Variants in USH2A observed in about 807,000 individuals in gnomAD.
USH2A encodes usherin.
A neutral mutation model predicts 538.9 loss-of-function variants in USH2A; 443 were observed. That is an observed-to-expected ratio of 0.82 (90% CI 0.76 to 0.89). The LOEUF is 0.89. Ranked by LOEUF, USH2A falls within the 40% of genes least tolerant of loss-of-function variation. USH2A has a pLI of 0.00. For synonymous variants in USH2A, 2,413 were observed against 2,273.5 expected (o/e 1.06, Z -1.75); for missense variants, 6,633 against 6,324.8 (o/e 1.05, Z -1.65).
chr1:215,805,285 A>T (rs1444517735), intron 49 of USH2A, among the ~76,000 whole-genome samples: 2 of 35,790 alleles, frequency 5.6e-5, no homozygotes, highest in Non-Finnish European at 1.5e-4. Flanking sequence ...AAAGTATAAT[A>T]AAAAAAAAAG....
chr1:216,307,419 C>G (rs143267037), intron 9 of USH2A, among the ~76,000 whole-genome samples: 2 of 152,284 alleles, frequency 1.3e-5, no homozygotes, highest in African/African-American at 4.8e-5. Context: ...CCACAATACT[C>G]TCCACAACAG....
intron 62 of USH2A, among the ~76,000 whole-genome samples, chr1:215,679,474 T>C (rs1658152342): frequency 6.6e-6 from 1 of 152,162 alleles, no homozygotes; most frequent in Non-Finnish European, 1.5e-5. Flanking sequence ...CTAACAGGTA[T>C]GTCTGCCACC....
At chr1:215,937,622 G>C (rs1349983946) in intron 37 of USH2A, among the ~76,000 whole-genome samples, 1 of 152,110 alleles carries the variant, frequency 6.6e-6, no homozygotes, top group Non-Finnish European at 1.5e-5. Context: ...CTCCTTGGAA[G>C]TATTTCTGCT....
intron 63 of USH2A, among the ~76,000 whole-genome samples, chr1:215,671,930 C>T (rs1006647700): frequency 1.3e-5 from 2 of 152,160 alleles, no homozygotes; most frequent in Admixed American, 1.3e-4. Context: ...TGATACCTAA[C>T]AGCTTAAAAC....
intron 37 of USH2A, among the ~76,000 whole-genome samples, chr1:215,953,316 G>T (rs182066256): frequency 0.032 from 4,835 of 152,056 alleles, 117 homozygotes; most frequent in South Asian, 0.083. Flanking sequence ...CTTCAAACTA[G>T]ACTACAAGGC....
chr1:215,970,942 A>G (rs954831998), intron 35 of USH2A, among the ~76,000 whole-genome samples, 166 bp from the exon 36 acceptor site: 1 of 152,180 alleles, frequency 6.6e-6, no homozygotes, highest in Non-Finnish European at 1.5e-5. Flanking sequence ...AGGATAAAAT[A>G]GATGTTACCC....
intron 4 of USH2A, among the ~76,000 whole-genome samples, chr1:216,363,209 T>C (rs2102706357): frequency 6.6e-6 from 1 of 152,260 alleles, no homozygotes; most frequent in Admixed American, 6.5e-5. Context: ...TATACAGGCA[T>C]TGTGCTTAGC....
intron 47 of USH2A, among the ~76,000 whole-genome samples, chr1:215,833,588 T>A (rs865989771): frequency 2.6e-5 from 4 of 151,936 alleles, no homozygotes; most frequent in African/African-American, 9.7e-5. Flanking sequence ...AACATACAAA[T>A]GTTCTAGGAA....
chr1:216,256,584 G>T (rs924562133), intron 11 of USH2A, among the ~76,000 whole-genome samples: 1 of 151,896 alleles, frequency 6.6e-6, no homozygotes, highest in Non-Finnish European at 1.5e-5. Flanking sequence ...ACCTCTGCCA[G>T]CCATGAGGCC....
At chr1:216,198,169 T>A in intron 18 of USH2A, 146 bp downstream of exon 18, 1 of 1,192,998 alleles carries the variant, frequency 8.4e-7, no homozygotes, top group Non-Finnish European at 1.2e-6. Flanking sequence ...ATGTAACAAA[T>A]CCATATATAT....
intron 3 of USH2A, among the ~76,000 whole-genome samples, chr1:216,412,367 T>C (rs974579209): frequency 1.3e-4 from 20 of 152,088 alleles, no homozygotes; most frequent in Admixed American, 9.2e-4. Context: ...AGTGCTTCCT[T>C]CTTTGTATTT....
intron 40 of USH2A, among the ~76,000 whole-genome samples, chr1:215,890,209 A>C (rs1243737914): frequency 6.6e-6 from 1 of 152,218 alleles, no homozygotes; most frequent in Admixed American, 6.5e-5. Flanking sequence ...CAATTTTGAC[A>C]TTTATGAGAT....
chr1:215,698,674 GT>G (rs1558059765), intron 61 of USH2A, among the ~76,000 whole-genome samples: 2 of 152,016 alleles, frequency 1.3e-5, no homozygotes, highest in East Asian at 1.9e-4. Flanking sequence ...GAGGTTATTT[GT>G]TTTTTTCTTG....
chr1:216,266,124 T>C lies in USH2A; in HGVS notation c.1972-15026A>G, dbSNP rs1348489333. ...TTTGCTAATTACACTGATTTGATAC[T>C]CACACATTTTACATATGTATTGAAA... On this transcript the variant is annotated intron_variant, in intron 11 of 71. Coordinates refer to ENST00000307340, the MANE Select transcript of USH2A (RefSeq NM_206933.4). Among the ~76,000 whole-genome samples the C allele has an allele frequency of 2.0e-5, 3 of 152,250 alleles. No individual in the cohort carries two copies. The East Asian group carries it at 5.8e-4, about 29-fold the overall frequency.
At chr1:216,124,880 G>C (rs1411674192) in intron 21 of USH2A, among the ~76,000 whole-genome samples, 3 of 152,230 alleles carry the variant, frequency 2.0e-5, no homozygotes, top group African/African-American at 7.2e-5. Flanking sequence ...GTGAGACTGT[G>C]GACAGTAACA....
chr1:215,874,305 T>C (rs188898421), intron 43 of USH2A, among the ~76,000 whole-genome samples: 28 of 152,250 alleles, frequency 1.8e-4, no homozygotes, highest in Admixed American at 1.5e-3. Flanking sequence ...AGTATAAACC[T>C]GTAGTTATAC....
intron 21 of USH2A, among the ~76,000 whole-genome samples, chr1:216,102,948 C>A (rs1476152754): frequency 6.6e-6 from 1 of 152,202 alleles, no homozygotes; most frequent in African/African-American, 2.4e-5. Context: ...TTTCATTACA[C>A]CTTCAAACTG....
intron 61 of USH2A, among the ~76,000 whole-genome samples, chr1:215,703,987 T>C (rs1659108572): frequency 6.6e-6 from 1 of 152,216 alleles, no homozygotes; most frequent in African/African-American, 2.4e-5. Flanking sequence ...TTGTGACGAC[T>C]GTAGGAAAAG....
chr1:215,952,707 C>T (rs1032047655), intron 37 of USH2A, among the ~76,000 whole-genome samples: 2 of 152,080 alleles, frequency 1.3e-5, no homozygotes, highest in African/African-American at 4.8e-5. Flanking sequence ...GAATATTGGC[C>T]CCCACTCTGT....
Sources: allele counts gnomAD v4.1 joint callset (sites outside exome capture counted in the v4.1 genomes callset), GRCh38; gene constraint gnomAD v4.1.1; transcripts MANE v1.5; gene names NCBI Gene and HGNC (gene_info 2026-07-23, HGNC 2026-07-21).